CTSC: variants seen among roughly 807,000 people sequenced by gnomAD.
CTSC encodes the protein cathepsin C.
Under a neutral mutation model 40.9 loss-of-function variants are expected in CTSC, and 37 were observed. That is an observed-to-expected ratio of 0.91 (90% CI 0.70 to 1.19). The LOEUF (loss-of-function observed/expected upper bound fraction) is 1.19. CTSC is among the 50% of genes most tolerant of loss of function. The probability of loss-of-function intolerance (pLI) is 0.00; values close to 1 mark genes in which losing one functional copy is unlikely to be tolerated. For synonymous variants in CTSC, 232 were observed against 207.4 expected, an observed-to-expected ratio of 1.12 and a Z score of -1.02; for missense variants, 594 against 567.3, an observed-to-expected ratio of 1.05 and a Z score of -0.48.
Position 88,337,644 on chromosome 11 carries a change from G to A in CTSC, c.29C>T (p.Ala10Val), listed in dbSNP as rs765499436. MGAGPSLLLAALLLLLSGDG... is the reference protein window; with the variant it reads MGAGPSLLLVALLLLLSGDG... ...GCCGGAGAGAAGCAGCAGGAGGGCG[G>A]CGAGCAGCAAGGAGGGCCCAGCACC... Residue 10 changes from alanine to valine, a missense_variant, in exon 1 of 7, where the codon GCC (alanine) becomes GTC (valine). Ala to Val is a moderately conservative substitution (Grantham distance 64). Coordinates refer to ENST00000227266, the MANE Select transcript of CTSC (RefSeq NM_001814.6). 198 of 1,583,540 alleles carry A rather than the reference G, an allele frequency of 1.3e-4. No homozygotes were observed. Among genetic ancestry groups the A allele is most frequent in the Non-Finnish European group, 1.6e-4 (184 of 1,164,356 alleles).
At chr11:88,336,276 C>T (rs995946211) in intron 1 of CTSC, among the ~76,000 whole-genome samples, 6 of 150,626 alleles carry the variant, frequency 4.0e-5, no homozygotes, top group African/African-American at 1.5e-4. Flanking sequence ...CGTGGTGACT[C>T]CCGCCTGTAA....
intron 2 of CTSC, among the ~76,000 whole-genome samples, chr11:88,317,059 C>T (rs908889754): frequency 1.3e-5 from 2 of 152,154 alleles, no homozygotes; most frequent in East Asian, 1.9e-4. Flanking sequence ...CTCCGTCTTC[C>T]GGGTTCAAGC....
At chr11:88,325,851 C>T (rs1938167993) in intron 2 of CTSC, 20 of 986,734 alleles carry the variant, frequency 2.0e-5, no homozygotes, top group Non-Finnish European at 2.4e-5. Flanking sequence ...GGACCATCTT[C>T]CCTTCAATAA....
intron 3 of CTSC, among the ~76,000 whole-genome samples, chr11:88,310,458 G>A (rs1937729126): frequency 6.6e-6 from 1 of 151,968 alleles, no homozygotes; most frequent in African/African-American, 2.4e-5. Context: ...CACTATCTAA[G>A]ACTTCCATAA....
Position 88,309,202 on chromosome 11 carries a change from A to G in CTSC, c.602T>C (p.Met201Thr), listed in dbSNP as rs748111811. 1.2e-6 allele frequency: 2 copies of G among 1,614,074 alleles called. No homozygotes were observed. Among genetic ancestry groups the G allele is most frequent in the East Asian group, 2.2e-5 (1 of 44,870 alleles). Reference sequence around the variant, plus strand: ...ACTGTGGCCACCACTTCTCCTAATCATATCTCCCAGGGTAAGAGTCTCATA... The same window carrying G: ...ACTGTGGCCACCACTTCTCCTAATCGTATCTCCCAGGGTAAGAGTCTCATA... ...MEYETLTLGD[M>T]IRRSGGHSRK... is the part of the protein sequence containing the mutation. Residue 201 changes from methionine (M) to threonine (T), a missense_variant, in exon 4 of 7, where the codon ATG becomes ACG. Physicochemically the swap from Met to Thr is moderately conservative, Grantham distance 81. Coordinates refer to ENST00000227266, the MANE Select transcript of CTSC (RefSeq NM_001814.6).
chr11:88,336,657 T>C (rs1938504531), intron 1 of CTSC, among the ~76,000 whole-genome samples: 1 of 152,154 alleles, frequency 6.6e-6, no homozygotes, highest in African/African-American at 2.4e-5. Flanking sequence ...AAGAAAATTA[T>C]AGCTGATTTT....
intron 2 of CTSC, among the ~76,000 whole-genome samples, chr11:88,315,637 A>G (rs1937859327): frequency 6.6e-6 from 1 of 152,208 alleles, no homozygotes; most frequent in African/African-American, 2.4e-5. Context: ...TAAATCTTAC[A>G]GGTTCAAGAG....
chr11:88,306,693 A>G (rs1447432957), intron 4 of CTSC, among the ~76,000 whole-genome samples: 1 of 152,128 alleles, frequency 6.6e-6, no homozygotes, highest in Non-Finnish European at 1.5e-5. Flanking sequence ...CACTCAATAA[A>G]ACCTTGTGCT....
At chr11:88,328,140 A>G (rs759646161) in intron 2 of CTSC, 49 of 1,613,690 alleles carry the variant, frequency 3.0e-5, no homozygotes, top group Non-Finnish European at 4.0e-5. Context: ...GTGGCAAATC[A>G]TATATCCCCA....
Position 88,294,383 on chromosome 11 carries a change from G to A in CTSC, c.1015C>T (p.Arg339Cys), listed in dbSNP as rs1044703733. The A allele has an allele frequency of 9.3e-6, 15 of 1,613,980 alleles. No individual in the cohort carries two copies. The highest frequency in any genetic ancestry group is 2.7e-5 in the African/African-American group (2 of 74,904). The change falls in exon 7 of 7, where the codon CGT (arginine) becomes TGT (cysteine). Residue 339 changes from arginine (R) to cysteine (C), a missense_variant. Arg to Cys is a radical substitution (Grantham distance 180). Transcript: ENST00000227266. ...TAGTGGTACTCAGAGGAGTAATAAC[G>A]AAAGCAGTCTTCCTTCATTTTGCAT... The part of the protein sequence containing the change: ...SPCKMKEDCF[R>C]YYSSEYHYVG...
chr11:88,302,646 AAAAAAG>A (rs1184701085), intron 4 of CTSC, among the ~76,000 whole-genome samples: 8 of 149,292 alleles, frequency 5.4e-5, no homozygotes, highest in Non-Finnish European at 1.2e-4. Context: ...AAAAAAAAAA[AAAAAAG>A]AATACATGAC....
At chr11:88,304,665 G>C (rs1465243990) in intron 4 of CTSC, among the ~76,000 whole-genome samples, 4 of 152,158 alleles carry the variant, frequency 2.6e-5, no homozygotes, top group African/African-American at 9.7e-5. Context: ...ACAAGATTCA[G>C]GTCATAAAGA....
chr11:88,333,520 A>T (rs1938415756), intron 2 of CTSC, among the ~76,000 whole-genome samples: 1 of 152,246 alleles, frequency 6.6e-6, no homozygotes. Context: ...TTCCACATGC[A>T]ATTGATTCTT....
chr11:88,306,404 C>T lies in CTSC; in HGVS notation c.641+2759G>A, dbSNP rs76817225. Among the ~76,000 whole-genome samples the T allele has an allele frequency of 8.0e-3, 1,223 of 152,222 alleles. 13 individuals carry two copies. The highest frequency in any genetic ancestry group is 0.026 in the African/African-American group (1,094 of 41,536). ...GAAGACAGGCATTTCTGTTTTCACA[C>T]CAAAAAAGGTGCCTTTTGGCCCGCC... On this transcript the variant is annotated intron_variant, in intron 4 of 6. Coordinates refer to ENST00000227266, the MANE Select transcript of CTSC (RefSeq NM_001814.6).
chr11:88,335,262 G>A (rs537569299), intron 1 of CTSC, among the ~76,000 whole-genome samples, 180 bp from the exon 2 acceptor site: 1 of 151,896 alleles, frequency 6.6e-6, no homozygotes, highest in African/African-American at 2.4e-5. Flanking sequence ...TTCCTGCTCC[G>A]AGGCAAGACT....
chr11:88,296,132 C>T lies in CTSC; in HGVS notation c.889+1G>A. Reference sequence around the variant, plus strand: ...AATGGTGTCTGAAATGCAACACTTACCTTGAGCATACTGGCTACAAGACAC... The same window carrying T: ...AATGGTGTCTGAAATGCAACACTTATCTTGAGCATACTGGCTACAAGACAC... On this transcript the variant is annotated splice_donor_variant, in intron 6 of 6. Transcript: ENST00000227266. LOFTEE classifies it high-confidence loss of function. The T allele has an allele frequency of 1.2e-6, 2 of 1,613,792 alleles. No individual in the cohort carries two copies. Among genetic ancestry groups the T allele is most frequent in the Non-Finnish European group, 1.7e-6 (2 of 1,179,784 alleles).
At chr11:88,318,166 C>T (rs1356636839) in intron 2 of CTSC, among the ~76,000 whole-genome samples, 3 of 152,186 alleles carry the variant, frequency 2.0e-5, no homozygotes, top group Non-Finnish European at 1.5e-5. Context: ...TAATAATATA[C>T]TTAGCCAATG....
intron 4 of CTSC, 74 bp downstream of exon 4, chr11:88,309,089 G>T (rs761555771): frequency 1.5e-5 from 20 of 1,360,510 alleles, no homozygotes; most frequent in Non-Finnish European, 2.1e-5. Context: ...AGCAACACTG[G>T]TAGGACTGCT....
chr11:88,335,382 C>G (rs923468927), intron 1 of CTSC, among the ~76,000 whole-genome samples: 5 of 152,190 alleles, frequency 3.3e-5, no homozygotes, highest in African/African-American at 1.2e-4. Flanking sequence ...CTAGTTTGGG[C>G]AACATAGTGA....
Sources: gnomAD v4.1 joint callset for allele counts (sites outside exome capture counted in the v4.1 genomes callset) on GRCh38, gnomAD v4.1.1 for gene constraint, MANE v1.5 for transcripts, NCBI Gene and HGNC (gene_info 2026-07-23, HGNC 2026-07-21) for gene names.